LPCAT1: variants seen among roughly 807,000 people sequenced by gnomAD.
The protein encoded by LPCAT1 is lysophosphatidylcholine acyltransferase 1.
LPCAT1 carries 23 observed loss-of-function variants against 60.9 expected under a neutral mutation model. The observed-to-expected ratio is 0.38, with a 90% CI of 0.27 to 0.53. The LOEUF is 0.53. Among genes scored for constraint, LPCAT1 ranks in the 20% least tolerant of loss-of-function variants. The pLI is 0.82. For synonymous variants in LPCAT1, 340 were observed against 301.1 expected (o/e 1.13, Z -1.34); for missense variants, 622 against 723.6 (o/e 0.86, Z 1.61).
In LPCAT1 at chr5:1,495,162, C is replaced by T. The variant is rs371970020; in HGVS notation, c.279-248G>A. On this transcript the variant is annotated intron_variant, in intron 2 of 13. Coordinates refer to ENST00000283415, the MANE Select transcript of LPCAT1 (RefSeq NM_024830.5). The surrounding 1 kb of genome is among the most constrained non-coding windows in gnomAD (Gnocchi z 4.7). Reference sequence around the variant, plus strand: ...GCCGCGGGGCCCTGTGTGGTGGTCACGGGCCACGCGGCAGGCAGTGCTAAG... The same window carrying T: ...GCCGCGGGGCCCTGTGTGGTGGTCATGGGCCACGCGGCAGGCAGTGCTAAG... Among the ~76,000 whole-genome samples, 128 of 152,308 alleles carry T rather than the reference C, an allele frequency of 8.4e-4. No individual in the cohort carries two copies. Among genetic ancestry groups the T allele is most frequent in the Middle Eastern group, 6.8e-3 (2 of 294 alleles).
chr5:1,464,120 A>G (rs1452893632), intron 13 of LPCAT1, among the ~76,000 whole-genome samples: 2 of 152,224 alleles, frequency 1.3e-5, no homozygotes, highest in African/African-American at 4.8e-5. Context: ...TTCGACAGAT[A>G]TATCCCGGGG....
rs142364979 is a variant in LPCAT1 at position 1,479,674 on chromosome 5, G to T, written c.763C>A (p.Leu255Met). The change falls in exon 8 of 14, where the codon CTG (leucine) becomes ATG (methionine). Residue 255 changes from leucine to methionine, a missense_variant and splice_region_variant. Leu to Met is a conservative substitution (Grantham distance 15). Transcript: ENST00000283415. ...CACAGCGTGAGCCACAGGATTTCCA[G>T]CCTTAAAAACAGATTGCACAATGTT... ...ITWTWQGPGA[L>M]EILWLTLCQF... The T allele has an allele frequency of 6.2e-7, 1 of 1,610,686 alleles. No individual in the cohort carries two copies. The highest frequency in any genetic ancestry group is 1.3e-5 in the African/African-American group (1 of 74,970).
At chr5:1,504,956 T>G (rs542853850) in intron 1 of LPCAT1, among the ~76,000 whole-genome samples, 16 of 150,584 alleles carry the variant, frequency 1.1e-4, no homozygotes, top group South Asian at 1.0e-3. Context: ...TCCACCAGAG[T>G]GTGGAATAAA....
intron 2 of LPCAT1, among the ~76,000 whole-genome samples, chr5:1,499,299 C>T (rs1179382514): frequency 3.3e-5 from 5 of 152,090 alleles, no homozygotes; most frequent in Non-Finnish European, 5.9e-5. Context: ...GCGGGGAGCT[C>T]GGCCCAACAA....
rs907561605 is a variant in LPCAT1, at chr5:1,521,067, T to A, written c.135+2643A>T. 6.6e-6 allele frequency among the ~76,000 whole-genome samples: 1 copy of A among 152,166 alleles called. No individual in the cohort carries two copies. Among genetic ancestry groups the A allele is most frequent in the Non-Finnish European group, 1.5e-5 (1 of 68,032 alleles). Reference sequence around the variant, plus strand: ...CTCAGCTGAACTCACTAAGATCCTGTACCATACCATTTACCGCTCTCTACT... The same window carrying A: ...CTCAGCTGAACTCACTAAGATCCTGAACCATACCATTTACCGCTCTCTACT... On this transcript the variant is annotated intron_variant, in intron 1 of 13. Transcript: ENST00000283415. The surrounding 1 kb of genome is among the most constrained non-coding windows in gnomAD (Gnocchi z 4.3).
chr5:1,495,169 C>T lies in LPCAT1; in HGVS notation c.279-255G>A, dbSNP rs7726123. 0.03 allele frequency among the ~76,000 whole-genome samples: 4,635 copies of T among 152,304 alleles called. 220 individuals are homozygous for T. The highest frequency in any genetic ancestry group is 0.1 in the African/African-American group (4,263 of 41,550). On this transcript the variant is annotated intron_variant, in intron 2 of 13. Transcript: ENST00000283415. The surrounding 1 kb of genome is among the most constrained non-coding windows in gnomAD (Gnocchi z 4.7). The stretch of plus-strand genomic sequence containing the variant: ...GGCCCTGTGTGGTGGTCACGGGCCA[C>T]GCGGCAGGCAGTGCTAAGACAACAT...
Position 1,521,246 on chromosome 5 carries a change from G to T in LPCAT1, c.135+2464C>A. ...TAAATCTGTAGTTAAATGACAGATG[G>T]GCTGGCTGGAGGAGGAGGTGTCCCC... On this transcript the variant is annotated intron_variant, in intron 1 of 13. Coordinates refer to ENST00000283415, the MANE Select transcript of LPCAT1 (RefSeq NM_024830.5). The surrounding 1 kb of genome is among the most constrained non-coding windows in gnomAD (Gnocchi z 4.3). 1.3e-6 allele frequency: 1 copy of T among 745,084 alleles called. No individual in the cohort carries two copies. The highest frequency in any genetic ancestry group is 1.6e-6 in the Non-Finnish European group (1 of 611,004). 46.2% of individuals were successfully genotyped at this position (745,084 alleles called of 1,614,324 possible).
At position 1,483,376 on chromosome 5, in the gene LPCAT1, C is replaced by A; in HGVS notation, c.726+52G>T. On this transcript the variant is annotated intron_variant, in intron 6 of 13. Transcript: ENST00000283415. The surrounding 1 kb of genome is among the most constrained non-coding windows in gnomAD (Gnocchi z 9.2). ...GGTGCACAGAGGCAGCTCGCAGTTC[C>A]CGTTTCCCGGAGAATTCCCCTGGAA... 1.9e-6 allele frequency: 3 copies of A among 1,585,128 alleles called. No homozygotes were observed. Among genetic ancestry groups the A allele is most frequent in the Non-Finnish European group, 2.6e-6 (3 of 1,154,316 alleles).
Position 1,521,570 on chromosome 5 carries a change from G to A in LPCAT1, c.135+2140C>T, listed in dbSNP as rs1306659960. On this transcript the variant is annotated intron_variant, in intron 1 of 13. Coordinates refer to ENST00000283415, the MANE Select transcript of LPCAT1 (RefSeq NM_024830.5). This position sits in a 1 kb window ranked among gnomAD's most constrained non-coding sequence, Gnocchi z 4.3. ...TGTTTCTGCAGAGAACTTTGAGAAC[G>A]TTTACAAACTAAACCCTTGAGCCAC... The A allele has an allele frequency of 8.2e-6, 6 of 728,118 alleles. No individual in the cohort carries two copies. The highest frequency in any genetic ancestry group is 1.0e-5 in the Non-Finnish European group (6 of 595,292). 45.1% of individuals were successfully genotyped at this position (728,118 alleles called of 1,614,324 possible). A position where few individuals can be genotyped will look rare whatever the true frequency, so the allele number is the denominator to read the frequency against.
Position 1,480,014 on chromosome 5 carries a change from G to A in LPCAT1, c.762-339C>T, listed in dbSNP as rs1361570839. ...TCCTCGCTGTCCCCAGGCAGCACAG[G>A]CCCTGAGTCATGCCACCCCTCCAGC... On this transcript the variant is annotated intron_variant, in intron 7 of 13. Coordinates refer to ENST00000283415, the MANE Select transcript of LPCAT1 (RefSeq NM_024830.5). The surrounding 1 kb of genome is among the most constrained non-coding windows in gnomAD (Gnocchi z 6.4). Among the ~76,000 whole-genome samples, 1 of 151,738 alleles carries A rather than the reference G, an allele frequency of 6.6e-6. No individual in the cohort carries two copies. The highest frequency in any genetic ancestry group is 6.6e-5 in the Admixed American group (1 of 15,260).
chr5:1,477,439 C>A lies in LPCAT1; in HGVS notation c.864G>T (p.Ala288=), dbSNP rs773472111. 1.2e-6 allele frequency: 2 copies of A among 1,614,058 alleles called. No individual in the cohort carries two copies. The highest frequency in any genetic ancestry group is 1.1e-5 in the South Asian group (1 of 91,080). Residue 288 remains alanine, a synonymous_variant, in exon 9 of 14, where the codon GCG becomes GCT. Transcript: ENST00000283415. The surrounding 1 kb of genome is among the most constrained non-coding windows in gnomAD (Gnocchi z 6.0). Reference sequence around the variant, plus strand: ...CTCGCCGCACGTTGCTGGCATACAGCGCGGGGTTCCTCTTCTCCTCCTCAG... The same window carrying A: ...CTCGCCGCACGTTGCTGGCATACAGAGCGGGGTTCCTCTTCTCCTCCTCAG... ...SPSEEEKRNP[A]LYASNVRRVM... is the part of the protein sequence containing the mutation.
chr5:1,483,539 TCTG>T lies in LPCAT1; in HGVS notation c.668-56_668-54del. 6.3e-7 allele frequency: 1 copy of T among 1,576,086 alleles called. No homozygotes were observed. The highest frequency in any genetic ancestry group is 2.2e-5 in the East Asian group (1 of 44,574). On this transcript the variant is annotated intron_variant, in intron 5 of 13. Coordinates refer to ENST00000283415, the MANE Select transcript of LPCAT1 (RefSeq NM_024830.5). This position sits in a 1 kb window ranked among gnomAD's most constrained non-coding sequence, Gnocchi z 9.2. ...CCATGGCAGCCCACGCAGGACAGCG[TCTG>T]CTGCGTTTCTCATGCTGCCCTTGGG... is the stretch of plus-strand genomic sequence containing the variant.
Position 1,490,510 on chromosome 5 carries a change from C to T in LPCAT1, c.494-652G>A, listed in dbSNP as rs1030581882. Among the ~76,000 whole-genome samples the T allele has an allele frequency of 2.2e-4, 33 of 152,280 alleles. 1 individual carries two copies. Among genetic ancestry groups the T allele is most frequent in the African/African-American group, 7.5e-4 (31 of 41,558 alleles). ...CAGCCCCCACCACGAGCCGGGAGGG[C>T]CGAGGGAGCTTTCAGAAGAGCCCAA... On this transcript the variant is annotated intron_variant, in intron 3 of 13. Transcript: ENST00000283415.
At chr5:1,479,725 A>T in intron 7 of LPCAT1, 50 bp from the exon 8 acceptor site, 3 of 1,416,386 alleles carry the variant, frequency 2.1e-6, no homozygotes, top group Non-Finnish European at 3.0e-6. Flanking sequence ...TCGGGTTAAC[A>T]AGTAAATTAC....
intron 3 of LPCAT1, among the ~76,000 whole-genome samples, chr5:1,490,560 C>T (rs1560973877): frequency 6.6e-6 from 1 of 152,226 alleles, no homozygotes; most frequent in African/African-American, 2.4e-5. Context: ...TGTTCTGGCA[C>T]TTCTGCTTTT....
intron 2 of LPCAT1, among the ~76,000 whole-genome samples, chr5:1,498,921 G>A (rs1007189690): frequency 1.9e-4 from 27 of 145,820 alleles, no homozygotes; most frequent in East Asian, 2.0e-4. Context: ...ACTCACATGC[G>A]CATATGTACA....
intron 9 of LPCAT1, among the ~76,000 whole-genome samples, chr5:1,474,967 G>A (rs1483065632): frequency 6.6e-6 from 1 of 152,242 alleles, no homozygotes; most frequent in Non-Finnish European, 1.5e-5. Context: ...TTACCAACAT[G>A]TGACGTGGAG....
chr5:1,489,122 G>A (rs574017533), intron 4 of LPCAT1, among the ~76,000 whole-genome samples: 1 of 152,332 alleles, frequency 6.6e-6, no homozygotes, highest in African/African-American at 2.4e-5. Flanking sequence ...CAGGCCAAAT[G>A]GGTGGGGGAG....
At chr5:1,519,936 G>A (rs546730280) in intron 1 of LPCAT1, among the ~76,000 whole-genome samples, 1 of 152,316 alleles carries the variant, frequency 6.6e-6, no homozygotes, top group Admixed American at 6.5e-5. Flanking sequence ...TGCTCCCACC[G>A]GGTACACTGC....
Sources: allele counts gnomAD v4.1 joint callset (sites outside exome capture counted in the v4.1 genomes callset), GRCh38; gene constraint gnomAD v4.1.1; non-coding constraint Gnocchi (gnomAD v3.1); transcripts MANE v1.5; gene names NCBI Gene and HGNC (gene_info 2026-07-23, HGNC 2026-07-21).